MIPOL1: variants seen among roughly 807,000 people sequenced by gnomAD.
The protein encoded by MIPOL1 is mirror-image polydactyly 1.
Under a neutral mutation model 60.9 loss-of-function variants are expected in MIPOL1, and 57 were observed. That is an observed-to-expected ratio of 0.94 (90% CI 0.76 to 1.17). MIPOL1 has a LOEUF of 1.17. MIPOL1 is among the 50% of genes most tolerant of loss of function. MIPOL1 has a pLI of 0.00. For synonymous variants in MIPOL1, 179 were observed against 168.8 expected (o/e 1.06, Z -0.47); for missense variants, 551 against 511.6 (o/e 1.08, Z -0.74).
chr14:37,421,604 G>A (rs963621784), intron 10 of MIPOL1, among the ~76,000 whole-genome samples: 2 of 152,014 alleles, frequency 1.3e-5, no homozygotes, highest in Non-Finnish European at 2.9e-5. Flanking sequence ...ACTATGTCAT[G>A]TTAAAGCACG....
At chr14:37,208,496 A>C (rs148685811) in intron 1 of MIPOL1, among the ~76,000 whole-genome samples, 2,475 of 152,308 alleles carry the variant, frequency 0.016, 56 homozygotes, top group African/African-American at 0.055. Context: ...CTTTTAGAAA[A>C]CATAGCAAGT....
chr14:37,347,544 T>C (rs183284695), intron 9 of MIPOL1, among the ~76,000 whole-genome samples: 1 of 152,246 alleles, frequency 6.6e-6, no homozygotes, highest in East Asian at 1.9e-4. Flanking sequence ...AAGATAATAT[T>C]CCAAGAGATG....
At chr14:37,350,429 C>A (rs1443593396) in intron 9 of MIPOL1, among the ~76,000 whole-genome samples, 1 of 150,068 alleles carries the variant, frequency 6.7e-6, no homozygotes, top group East Asian at 2.0e-4. Flanking sequence ...TTTTTTTTTA[C>A]TTTATGTATT....
intron 10 of MIPOL1, among the ~76,000 whole-genome samples, chr14:37,398,045 G>C (rs1229718702): frequency 6.6e-6 from 1 of 152,122 alleles, no homozygotes; most frequent in Non-Finnish European, 1.5e-5. Context: ...CCTTCTCCCT[G>C]TGGTGTTTTC....
intron 7 of MIPOL1, among the ~76,000 whole-genome samples, chr14:37,299,459 A>G (rs1009488167): frequency 7.4e-4 from 13 of 17,626 alleles, no homozygotes; most frequent in African/African-American, 9.3e-4. Flanking sequence ...AAATTAAAAA[A>G]ATAAAAATTA....
downstream of MIPOL1, chr14:37,551,593 C>T (rs1369232676): frequency 2.0e-5 from 3 of 151,780 alleles, no homozygotes; most frequent in Admixed American, 6.6e-5. Flanking sequence ...AAAAAATAGG[C>T]CAGGTGCGAT....
At chr14:37,394,657 G>C (rs1478512812) in intron 10 of MIPOL1, among the ~76,000 whole-genome samples, 1 of 151,998 alleles carries the variant, frequency 6.6e-6, no homozygotes, top group African/African-American at 2.4e-5. Flanking sequence ...GTAGATTCTG[G>C]ATATTAGTCC....
At chr14:37,452,636 A>G (rs1021401069) in intron 11 of MIPOL1, among the ~76,000 whole-genome samples, 2 of 152,206 alleles carry the variant, frequency 1.3e-5, no homozygotes, top group Non-Finnish European at 2.9e-5. Context: ...CTGTTCTCAT[A>G]GTTGTTATCT....
chr14:37,326,109 A>T (rs1051751674), intron 9 of MIPOL1, among the ~76,000 whole-genome samples: 26 of 152,190 alleles, frequency 1.7e-4, no homozygotes, highest in African/African-American at 6.0e-4. Flanking sequence ...CTGGCTATGG[A>T]TAAAAAAACA....
At chr14:37,450,952 C>A (rs560610042) in intron 11 of MIPOL1, among the ~76,000 whole-genome samples, 1 of 151,886 alleles carries the variant, frequency 6.6e-6, no homozygotes, top group East Asian at 1.9e-4. Context: ...TTTTAAGAAG[C>A]CTTGTACCCT....
At chr14:37,297,088 A>G (rs1035370591) in intron 7 of MIPOL1, among the ~76,000 whole-genome samples, 10 of 152,248 alleles carry the variant, frequency 6.6e-5, no homozygotes, top group East Asian at 1.9e-4. Context: ...CCAGCAGCAC[A>G]TCAAAGAACT....
chr14:37,209,277 C>T (rs1219245862), intron 1 of MIPOL1, among the ~76,000 whole-genome samples: 1 of 152,154 alleles, frequency 6.6e-6, no homozygotes, highest in Non-Finnish European at 1.5e-5. Context: ...CTCTGTCTTC[C>T]AGTTGGAGCA....
intron 12 of MIPOL1, among the ~76,000 whole-genome samples, chr14:37,509,572 A>G (rs1321609880): frequency 6.6e-6 from 1 of 151,768 alleles, no homozygotes. Context: ...ATTTTAGAAA[A>G]AGCCTATATA....
intron 1 of MIPOL1, among the ~76,000 whole-genome samples, chr14:37,243,849 T>A (rs1210807555): frequency 1.3e-5 from 2 of 152,156 alleles, no homozygotes; most frequent in African/African-American, 2.4e-5. Flanking sequence ...TTAGGCAGAT[T>A]AGAAATTTCA....
At chr14:37,246,317 G>A (rs28663019) in intron 1 of MIPOL1, among the ~76,000 whole-genome samples, 68,336 of 151,822 alleles carry the variant, frequency 0.45, 17,851 homozygotes, top group African/African-American at 0.73. Flanking sequence ...TCACCTATAT[G>A]AAATAGATGT....
At chr14:37,293,556 T>C (rs2085303356) in intron 7 of MIPOL1, among the ~76,000 whole-genome samples, 1 of 152,128 alleles carries the variant, frequency 6.6e-6, no homozygotes, top group African/African-American at 2.4e-5. Context: ...TTCCCTTTCC[T>C]AGTCAAAGAA....
chr14:37,298,390 G>T (rs1186489242), intron 7 of MIPOL1, among the ~76,000 whole-genome samples: 1 of 152,102 alleles, frequency 6.6e-6, no homozygotes, highest in East Asian at 1.9e-4. Context: ...CATTGGCCTG[G>T]GCAAGGACTT....
chr14:37,227,413 C>T (rs1015272100), intron 1 of MIPOL1, among the ~76,000 whole-genome samples: 1 of 152,012 alleles, frequency 6.6e-6, no homozygotes, highest in Non-Finnish European at 1.5e-5. Flanking sequence ...CTCCTCATAT[C>T]TGGGGTTTGG....
At chr14:37,200,378 G>C (rs563626225) in intron 1 of MIPOL1, among the ~76,000 whole-genome samples, 6 of 152,268 alleles carry the variant, frequency 3.9e-5, no homozygotes, top group African/African-American at 1.2e-4. Context: ...GGAAATTTTA[G>C]AGTTTATATG....
Sources: allele counts gnomAD v4.1 joint callset (sites outside exome capture counted in the v4.1 genomes callset), GRCh38; gene constraint gnomAD v4.1.1; transcripts MANE v1.5; gene names NCBI Gene and HGNC (gene_info 2026-07-23, HGNC 2026-07-21).